The following FAM47E variants were observed in gnomAD, a reference collection of about 807,000 sequenced individuals.
FAM47E encodes the protein protein FAM47E.
In FAM47E, 32 loss-of-function variants were observed where a neutral mutation model predicts 41.6. That is an observed-to-expected ratio of 0.77 (90% CI 0.58 to 1.03). The LOEUF (loss-of-function observed/expected upper bound fraction) is 1.03. FAM47E is among the 50% of genes least tolerant of loss of function. The pLI, the probability that FAM47E is intolerant of heterozygous loss-of-function variation, is 0.00. For synonymous variants in FAM47E, 184 were observed against 188.7 expected (o/e 0.98, Z 0.20); for missense variants, 424 against 485.4 (o/e 0.87, Z 1.19).
chr4:76,263,589 C>A, intron 2 of FAM47E, 115 bp from the exon 3 acceptor site: 1 of 1,301,642 alleles, frequency 7.7e-7, no homozygotes, highest in South Asian at 1.5e-5. Flanking sequence ...TGGTGAACAG[C>A]ACTGATGGAC....
Position 76,271,605 on chromosome 4 carries a change from A to G in FAM47E, c.707A>G (p.Gln236Arg), listed in dbSNP as rs1461699411. 3 of 1,552,224 alleles carry G rather than the reference A, an allele frequency of 1.9e-6. No homozygotes were observed. The highest frequency in any genetic ancestry group is 2.4e-5 in the East Asian group (1 of 40,930). The change falls in exon 5 of 8, where the codon CAG (glutamine) becomes CGG (arginine). Residue 236 changes from glutamine (Q) to arginine (R), a missense_variant. Gln to Arg is a conservative substitution (Grantham distance 43, BLOSUM62 1). Transcript: ENST00000424749. ...ATCGATGAAGAGTTCATCTTGAAACAGTTTGACATTGACTATGAGACCAAA... is the reference window on the plus strand; with the variant it reads ...ATCGATGAAGAGTTCATCTTGAAACGGTTTGACATTGACTATGAGACCAAA... ...SDIDEEFILKQFDIDYETKPS... is the reference protein window; with the variant it reads ...SDIDEEFILKRFDIDYETKPS...
At position 76,256,247 on chromosome 4, in the gene FAM47E, A is replaced by C. The variant is rs746785621; in HGVS notation, c.144A>C (p.Pro48=). The C allele has an allele frequency of 2.6e-6, 4 of 1,551,680 alleles. No individual in the cohort carries two copies. The highest frequency in any genetic ancestry group is 3.5e-6 in the Non-Finnish European group (4 of 1,146,992). The part of the protein sequence containing the change: ...TSLHSRQLVF[P]RKGLDDFRKG... ...TGCACAGCCGGCAGTTGGTATTTCCAAGAAAGGGGCTGGACGACTTCAGGA... is the reference window on the plus strand; with the variant it reads ...TGCACAGCCGGCAGTTGGTATTTCCCAGAAAGGGGCTGGACGACTTCAGGA... The change falls in exon 2 of 8, where the codon CCA becomes CCC. Residue 48 remains proline (P), a synonymous_variant. Transcript: ENST00000424749.
upstream of FAM47E, among the ~76,000 whole-genome samples, chr4:76,248,588 C>A (rs1247317867): frequency 6.6e-6 from 1 of 152,124 alleles, no homozygotes; most frequent in African/African-American, 2.4e-5. Context: ...ATATACCATA[C>A]TAGGCACTGG....
At chr4:76,263,622 A>G in intron 2 of FAM47E, 82 bp from the exon 3 acceptor site, 1 of 1,488,958 alleles carries the variant, frequency 6.7e-7, no homozygotes, top group Non-Finnish European at 9.0e-7. Flanking sequence ...GTGAAGGGCA[A>G]GTTGGTCTGT....
chr4:76,257,731 T>G (rs894479570), intron 2 of FAM47E, among the ~76,000 whole-genome samples: 3 of 152,030 alleles, frequency 2.0e-5, no homozygotes, highest in Non-Finnish European at 1.5e-5. Context: ...GTCTCCTGAT[T>G]GGAGAGGCCT....
intron 2 of FAM47E, among the ~76,000 whole-genome samples, chr4:76,240,607 A>G (rs1361021880): frequency 6.6e-6 from 1 of 152,056 alleles, no homozygotes; most frequent in African/African-American, 2.4e-5. Context: ...CTCAGATTCA[A>G]TAATTTTCCT....
chr4:76,216,543 G>C (rs979521609), intron 1 of FAM47E, among the ~76,000 whole-genome samples: 1 of 152,160 alleles, frequency 6.6e-6, no homozygotes, highest in African/African-American at 2.4e-5. Context: ...CTTCTCTCTT[G>C]TCTGGGCCAC....
exon 1 of FAM47E, chr4:76,214,181 C>G: frequency 2.2e-6 from 1 of 453,340 alleles, no homozygotes; most frequent in East Asian, 7.0e-5. Flanking sequence ...GGGACATTCC[C>G]CTGCTCTAGA....
chr4:76,276,368 G>GTTTT (rs1553957220), intron 5 of FAM47E, among the ~76,000 whole-genome samples: 35 of 150,042 alleles, frequency 2.3e-4, no homozygotes, highest in African/African-American at 5.2e-4. Flanking sequence ...TTTTTTGTTT[G>GTTTT]TTTGTTTTTT....
chr4:76,257,002 T>G (rs1338953749), intron 2 of FAM47E, among the ~76,000 whole-genome samples: 1 of 152,184 alleles, frequency 6.6e-6, no homozygotes, highest in Non-Finnish European at 1.5e-5. Context: ...AGACTAGGGC[T>G]GGACAGCAGC....
intron 2 of FAM47E, among the ~76,000 whole-genome samples, chr4:76,245,074 T>C (rs2109994643): frequency 6.6e-6 from 1 of 152,300 alleles, no homozygotes; most frequent in South Asian, 2.1e-4. Flanking sequence ...GAAATGGACA[T>C]GCACATTGCC....
chr4:76,238,832 ATTG>A (rs1733642231), intron 2 of FAM47E, among the ~76,000 whole-genome samples: 2 of 152,194 alleles, frequency 1.3e-5, no homozygotes, highest in Non-Finnish European at 2.9e-5. Context: ...GTACAATCAT[ATTG>A]TTGTGCTGCC....
At chr4:76,235,099 C>T (rs1314327410) in intron 2 of FAM47E, among the ~76,000 whole-genome samples, 1 of 152,048 alleles carries the variant, frequency 6.6e-6, no homozygotes, top group Non-Finnish European at 1.5e-5. Context: ...GGGCAGATCA[C>T]GAGGTCAGGA....
chr4:76,221,694 G>C (rs1308534471), intron 2 of FAM47E, among the ~76,000 whole-genome samples: 1 of 152,194 alleles, frequency 6.6e-6, no homozygotes, highest in Non-Finnish European at 1.5e-5. Flanking sequence ...ATTAGCTAAA[G>C]AGCTAAGCAT....
chr4:76,280,675 C>G (rs1735309889), intron 7 of FAM47E: 1 of 185,774 alleles, frequency 5.4e-6, no homozygotes, highest in African/African-American at 2.3e-5. Flanking sequence ...ACTCAACACC[C>G]TGAATTCTCT....
In FAM47E at chr4:76,274,914, G is replaced by A. The variant is rs142278528; in HGVS notation, c.870+3146G>A. 5.6e-4 allele frequency among the ~76,000 whole-genome samples: 86 copies of A among 152,264 alleles called. 1 individual carries two copies. Among genetic ancestry groups the A allele is most frequent in the African/African-American group, 2.0e-3 (82 of 41,554 alleles). ...TTGATCTGTCTGGACTCTCGGTCCT[G>A]TCATCTCAATTCAGAGAGTCCATTG... is the stretch of plus-strand genomic sequence containing the variant. On this transcript the variant is annotated intron_variant, in intron 5 of 7. Transcript: ENST00000424749.
chr4:76,277,532 G>GTGT (rs1046405020), intron 5 of FAM47E, among the ~76,000 whole-genome samples: 1 of 141,178 alleles, frequency 7.1e-6, no homozygotes, highest in African/African-American at 2.7e-5. Flanking sequence ...CAAAAGCTTG[G>GTGT]TGTTAGCAGT....
chr4:76,251,798 G>T lies in FAM47E; in HGVS notation c.52G>T (p.Glu18Ter). 1.3e-6 allele frequency: 2 copies of T among 1,490,594 alleles called. No individual in the cohort carries two copies. Among genetic ancestry groups the T allele is most frequent in the Non-Finnish European group, 1.8e-6 (2 of 1,126,758 alleles). The allele number at this position is 1,490,594 out of a possible 1,614,324, so 92.3% of individuals were successfully genotyped here. ...LRPGTLAPVR[E>*]GVNCRSRCFT... is the part of the protein sequence containing the mutation. The stretch of plus-strand genomic sequence containing the variant: ...GCCGGGGACGTTGGCCCCGGTGCGC[G>T]AGGGCGTGAACTGCAGGTCCAGGTA... The change falls in exon 1 of 8, where the codon GAG becomes TAG. Residue 18 changes from glutamate (E) to a stop codon, truncating the protein, a stop_gained. Coordinates refer to ENST00000424749, the MANE Select transcript of FAM47E (RefSeq NM_001136570.3). LOFTEE classifies it high-confidence loss of function.
rs61494828 is a variant in FAM47E at position 76,238,140 on chromosome 4, C to T, written c.81+20452C>T. On this transcript the variant is annotated intron_variant, in intron 2 of 7. Transcript: ENST00000510197. ...AATTTATTCTGTGTCTAATGGGGAG[C>T]CATGATCCATAAGGAAGGCTATGGA... Among the ~76,000 whole-genome samples the T allele has an allele frequency of 9.5e-3, 1,446 of 152,246 alleles. 25 individuals are homozygous for T. The highest frequency in any genetic ancestry group is 0.033 in the African/African-American group (1,375 of 41,550).
Sources: gnomAD v4.1 joint callset for allele counts (sites outside exome capture counted in the v4.1 genomes callset) on GRCh38, gnomAD v4.1.1 for gene constraint, MANE v1.5 for transcripts, NCBI Gene and HGNC (gene_info 2026-07-23, HGNC 2026-07-21) for gene names.